Variants in NOX4 observed in about 807,000 individuals in gnomAD.
The protein encoded by NOX4 is kidney oxidase-1.
In NOX4, 69 loss-of-function variants were observed where a neutral mutation model predicts 87.6. That is an observed-to-expected ratio of 0.79 (90% CI 0.65 to 0.96). The LOEUF (loss-of-function observed/expected upper bound fraction) is 0.96, where lower values mean the gene tolerates loss of function less well. NOX4 is among the 40% of genes least tolerant of loss of function. The pLI is 0.00. For missense variants in NOX4, 680 were observed against 681.5 expected, an observed-to-expected ratio of 1.00 and a Z score of 0.02; for synonymous variants, 275 against 238.2, an observed-to-expected ratio of 1.15 and a Z score of -1.42.
chr11:89,366,432 C>T (rs1938993072), intron 12 of NOX4, among the ~76,000 whole-genome samples: 1 of 152,056 alleles, frequency 6.6e-6, no homozygotes, highest in South Asian at 2.1e-4. Flanking sequence ...AGTCACAGCA[C>T]TTTGGGAGGC....
chr11:89,546,996 G>A, the NOX4 span, among the ~76,000 whole-genome samples: 2 of 152,128 alleles, frequency 1.3e-5, no homozygotes, highest in Non-Finnish European at 2.9e-5. Flanking sequence ...TCTTCTTGTA[G>A]ACTTGGTGTG....
chr11:89,571,478 G>C, the NOX4 span, among the ~76,000 whole-genome samples: 14 of 151,980 alleles, frequency 9.2e-5, no homozygotes, highest in Admixed American at 2.0e-4. Flanking sequence ...TGTATTTGTA[G>C]TAGAGACGGC....
At chr11:89,408,255 G>A (rs770883574) in intron 8 of NOX4, among the ~76,000 whole-genome samples, 4 of 152,132 alleles carry the variant, frequency 2.6e-5, no homozygotes, top group African/African-American at 9.7e-5. Flanking sequence ...GATTAACTTA[G>A]TGACCAGAAG....
chr11:89,564,376 T>C, the NOX4 span, among the ~76,000 whole-genome samples: 1 of 151,936 alleles, frequency 6.6e-6, no homozygotes, highest in Admixed American at 6.6e-5. Context: ...AAGGGGAAGG[T>C]GCTATACATT....
intron 6 of NOX4, among the ~76,000 whole-genome samples, chr11:89,437,622 G>A (rs1043737305): frequency 6.6e-6 from 1 of 151,982 alleles, no homozygotes; most frequent in East Asian, 1.9e-4. Flanking sequence ...AATTGGGTGA[G>A]TCAAATTGTT....
In NOX4 at chr11:89,451,799, G is replaced by A. The variant is rs754087180; in HGVS notation, c.250C>T (p.Arg84Ter). The A allele has an allele frequency of 1.9e-6, 3 of 1,611,148 alleles. No homozygotes were observed. The highest frequency in any genetic ancestry group is 2.2e-5 in the East Asian group (1 of 44,842). Reference sequence around the variant, plus strand: ...TTTTTTCTTACCTTCTGTGATCCTCGGAGGTAAGCCAAGAGTGTTCGGCAC... The same window carrying A: ...TTTTTTCTTACCTTCTGTGATCCTCAGAGGTAAGCCAAGAGTGTTCGGCAC... ...PMCRTLLAYLRGSQKVPSRRT... is the reference protein window; with the variant it reads ...PMCRTLLAYL The change falls in exon 3 of 18, where the codon CGA becomes TGA. Residue 84 changes from arginine to a stop codon, truncating the protein, a stop_gained. Transcript: ENST00000263317. LOFTEE classifies it high-confidence loss of function.
intron 11 of NOX4, among the ~76,000 whole-genome samples, chr11:89,384,218 C>A (rs186109928): frequency 1.3e-5 from 2 of 152,100 alleles, no homozygotes; most frequent in East Asian, 1.9e-4. Context: ...CCTCTACAAC[C>A]CATTATTCTG....
At chr11:89,536,463 C>T in the NOX4 span, among the ~76,000 whole-genome samples, 4 of 151,998 alleles carry the variant, frequency 2.6e-5, no homozygotes, top group East Asian at 3.9e-4. Flanking sequence ...CCTTTTCTAC[C>T]TCTGCAGTTC....
chr11:89,358,386 CAAAAAAAAAAAA>C (rs10558391), intron 12 of NOX4, among the ~76,000 whole-genome samples: 1 of 78,190 alleles, frequency 1.3e-5, no homozygotes, highest in African/African-American at 4.5e-5. Context: ...AACTTAATCT[CAAAAAAAAAAAA>C]AAAAAAAAGA....
intron 17 of NOX4, among the ~76,000 whole-genome samples, chr11:89,334,267 A>G (rs544273067): frequency 6.6e-6 from 1 of 151,882 alleles, no homozygotes; most frequent in African/African-American, 2.4e-5. Flanking sequence ...ATACTGGAGA[A>G]AGATGGGAAA....
At chr11:89,418,165 G>A (rs911559706) in intron 8 of NOX4, among the ~76,000 whole-genome samples, 48 of 151,846 alleles carry the variant, frequency 3.2e-4, no homozygotes, top group Admixed American at 1.1e-3. Context: ...AAATAATACC[G>A]ATTGCAATGT....
At chr11:89,393,927 T>C (rs970444086) in intron 11 of NOX4, among the ~76,000 whole-genome samples, 2 of 152,194 alleles carry the variant, frequency 1.3e-5, no homozygotes, top group Admixed American at 1.3e-4. Context: ...AGTCGTCTTC[T>C]ACCTCCAGTT....
the NOX4 span, among the ~76,000 whole-genome samples, chr11:89,570,760 G>A: frequency 6.6e-6 from 1 of 152,110 alleles, no homozygotes. Flanking sequence ...TAGGAGGTTG[G>A]TCCTGCAGTG....
At chr11:89,451,755 G>T in intron 3 of NOX4, 30 bp downstream of exon 3, 1 of 1,436,336 alleles carries the variant, frequency 7.0e-7, no homozygotes, top group African/African-American at 1.4e-5. Context: ...TTTTATGCTG[G>T]AATTTGAAAG....
rs76960708 is a variant in NOX4 at position 89,462,189 on chromosome 11, C to T, written c.154-10294G>A. 3.2e-3 allele frequency among the ~76,000 whole-genome samples: 482 copies of T among 152,040 alleles called. 1 individual carries two copies. The highest frequency in any genetic ancestry group is 0.011 in the African/African-American group (454 of 41,506). On this transcript the variant is annotated intron_variant, in intron 2 of 17. Transcript: ENST00000263317. ...TAACAAAAAAACAAACCACAAGACA[C>T]ATGTAAAAACAAGGAACTAAAGGAA... is the stretch of plus-strand genomic sequence containing the variant.
chr11:89,454,452 A>G (rs1438889011), intron 2 of NOX4, among the ~76,000 whole-genome samples: 2 of 152,110 alleles, frequency 1.3e-5, no homozygotes, highest in Admixed American at 1.3e-4. Context: ...GTGTCTGAAC[A>G]TTGGCATTTT....
chr11:89,467,677 C>T (rs2135433594), intron 2 of NOX4, among the ~76,000 whole-genome samples: 1 of 152,242 alleles, frequency 6.6e-6, no homozygotes, highest in Non-Finnish European at 1.5e-5. Context: ...ACCTAATCAC[C>T]AAGTCACCCA....
intron 12 of NOX4, among the ~76,000 whole-genome samples, chr11:89,362,736 C>T (rs1217329821): frequency 6.6e-6 from 1 of 151,922 alleles, no homozygotes; most frequent in Non-Finnish European, 1.5e-5. Flanking sequence ...TTCATACTCC[C>T]CATATTATAG....
At chr11:89,328,170 C>A (rs966483845) in intron 17 of NOX4, among the ~76,000 whole-genome samples, 7 of 152,228 alleles carry the variant, frequency 4.6e-5, no homozygotes, top group African/African-American at 1.7e-4. Flanking sequence ...CAGAAAGACG[C>A]CTCGGAGATT....
Sources: gnomAD v4.1 joint callset for allele counts (sites outside exome capture counted in the v4.1 genomes callset) on GRCh38, gnomAD v4.1.1 for gene constraint, MANE v1.5 for transcripts, NCBI Gene and HGNC (gene_info 2026-07-23, HGNC 2026-07-21) for gene names.